SLC8B1: variants seen among roughly 807,000 people sequenced by gnomAD.
SLC8B1 encodes the protein mitochondrial sodium/calcium exchanger protein.
Under a neutral mutation model 63.4 loss-of-function variants are expected in SLC8B1, and 52 were observed. The observed-to-expected ratio is 0.82, with a 90% confidence interval of 0.66 to 1.03. SLC8B1 has a LOEUF of 1.03. Among genes scored for constraint, SLC8B1 ranks in the 50% least tolerant of loss-of-function variants. The pLI, the probability that SLC8B1 is intolerant of heterozygous loss-of-function variation, is 0.00. For missense variants in SLC8B1, 657 were observed against 741.7 expected, an observed-to-expected ratio of 0.89 and a Z score of 1.33; for synonymous variants, 336 against 323.9, an observed-to-expected ratio of 1.04 and a Z score of -0.40.
chr12:113,306,467 A>G lies in SLC8B1; in HGVS notation c.1492+28T>C. 1.9e-6 allele frequency: 3 copies of G among 1,575,260 alleles called. No homozygotes were observed. In the African/African-American group the frequency reaches 4.0e-5, roughly 21 times the overall value. On this transcript the variant is annotated intron_variant, in intron 14 of 15. Coordinates refer to ENST00000680972, the MANE Select transcript of SLC8B1 (RefSeq NM_001358345.2). ...CACCCACGGCTGTGACACCAGTGCT[A>G]AGGCCAAGAACAGACCACAAAGGAT...
At chr12:113,307,136 A>C (rs1023734806) in intron 13 of SLC8B1, among the ~76,000 whole-genome samples, 10 of 147,014 alleles carry the variant, frequency 6.8e-5, no homozygotes, top group African/African-American at 2.3e-4. Flanking sequence ...AAAAAAAAAA[A>C]AAAAAAAAAA....
intron 8 of SLC8B1, among the ~76,000 whole-genome samples, chr12:113,317,637 C>A (rs1956851238): frequency 6.6e-6 from 1 of 152,182 alleles, no homozygotes; most frequent in African/African-American, 2.4e-5. Context: ...GGCCTGGGAC[C>A]TGTATGGAGG....
At position 113,320,132 on chromosome 12, in the gene SLC8B1, C is replaced by T; in HGVS notation, c.694+199G>A. On this transcript the variant is annotated intron_variant, in intron 7 of 15. Transcript: ENST00000680972. The surrounding 1 kb of genome is among the most constrained non-coding windows in gnomAD (Gnocchi z 5.3). ...CTTTTGAATACTCCCTCCCCAGCCC[C>T]CAGCTCTGCCAGGCCTCTTTGGTTA... The T allele has an allele frequency of 3.1e-6, 2 of 637,366 alleles. No individual in the cohort carries two copies. The highest frequency in any genetic ancestry group is 5.3e-6 in the Non-Finnish European group (2 of 377,220). 39.5% of individuals were successfully genotyped at this position (637,366 alleles called of 1,614,324 possible). A position where few individuals can be genotyped will look rare whatever the true frequency, so the allele number is the denominator to read the frequency against.
At chr12:113,318,053 T>C (rs1040891201) in intron 8 of SLC8B1, among the ~76,000 whole-genome samples, 1 of 152,220 alleles carries the variant, frequency 6.6e-6, no homozygotes, top group Non-Finnish European at 1.5e-5. Flanking sequence ...CATGCATCTG[T>C]ATGTGTTGCA....
At position 113,320,973 on chromosome 12, in the gene SLC8B1, C is replaced by CA. The variant is rs541672071; in HGVS notation, c.363-67dup. The CA allele has an allele frequency of 1.5e-4, 237 of 1,590,576 alleles. 2 individuals carry two copies. The African/African-American group carries it at 3.0e-3, about 20-fold the overall frequency. ...CGGCCCCGGACCCCTATCCTTCCCC[C>CA]AAACTGAGGGTGACCGAATGTCAGC... On this transcript the variant is annotated intron_variant, in intron 4 of 15. Transcript: ENST00000680972. This position sits in a 1 kb window ranked among gnomAD's most constrained non-coding sequence, Gnocchi z 5.3.
At chr12:113,325,906 G>A (rs761917754) in intron 2 of SLC8B1, among the ~76,000 whole-genome samples, 1 of 152,184 alleles carries the variant, frequency 6.6e-6, no homozygotes, top group Non-Finnish European at 1.5e-5. Flanking sequence ...CCTGAGCCTG[G>A]CCTGTAGTAG....
chr12:113,312,699 T>G (rs868402886), intron 11 of SLC8B1, among the ~76,000 whole-genome samples: 43 of 152,264 alleles, frequency 2.8e-4, no homozygotes, highest in Middle Eastern at 3.4e-3. Flanking sequence ...CTAGGTGGTG[T>G]TAACGCCATG....
chr12:113,306,678 C>T (rs970920075), intron 13 of SLC8B1, 103 bp from the exon 14 acceptor site: 14 of 930,596 alleles, frequency 1.5e-5, no homozygotes, highest in Admixed American at 8.2e-5. Context: ...GCAACAAACA[C>T]AGATGGATGC....
rs1956913375 is a variant in SLC8B1, at chr12:113,320,675, G to A, written c.432C>T (p.Phe144=). ...CAGGTGCACCATTCCCAAATGCCAG[G>A]AAGGTGACGCCATGTGGGGAGCATG... ...KLSHNVAGVT[F]LAFGNGAPDI... Residue 144 remains phenylalanine, a synonymous_variant, in exon 6 of 16, where the codon TTC becomes TTT. Coordinates refer to ENST00000680972, the MANE Select transcript of SLC8B1 (RefSeq NM_001358345.2). This position sits in a 1 kb window ranked among gnomAD's most constrained non-coding sequence, Gnocchi z 5.3. The A allele has an allele frequency of 1.9e-6, 3 of 1,613,694 alleles. No homozygotes were observed. Among genetic ancestry groups the A allele is most frequent in the African/African-American group, 1.3e-5 (1 of 74,934 alleles).
rs199864456 is a variant in SLC8B1, at chr12:113,320,491, G to A, written c.534C>T (p.Gly178=). The change falls in exon 7 of 16, where the codon GGC becomes GGT. Residue 178 remains glycine, a synonymous_variant. Coordinates refer to ENST00000680972, the MANE Select transcript of SLC8B1 (RefSeq NM_001358345.2). The surrounding 1 kb of genome is among the most constrained non-coding windows in gnomAD (Gnocchi z 5.3). ...CGGCCACCACTGTGGTAACCAGCAC[G>A]CCAGCGCCTGGGGGGAGGAGGCCAG... is the stretch of plus-strand genomic sequence containing the variant. ...GLALGALFGA[G]VLVTTVVAGG... The A allele has an allele frequency of 6.6e-5, 106 of 1,613,950 alleles. No individual in the cohort carries two copies. The highest frequency in any genetic ancestry group is 7.3e-5 in the Non-Finnish European group (86 of 1,180,016).
intron 15 of SLC8B1, among the ~76,000 whole-genome samples, chr12:113,300,900 C>G (rs1956578631): frequency 6.6e-6 from 1 of 152,230 alleles, no homozygotes; most frequent in Non-Finnish European, 1.5e-5. Context: ...CTTTGGGAGG[C>G]CAAAGCGGGC....
At chr12:113,313,161 G>A (rs888651367) in intron 11 of SLC8B1, among the ~76,000 whole-genome samples, 2 of 152,008 alleles carry the variant, frequency 1.3e-5, no homozygotes, top group South Asian at 2.1e-4. Flanking sequence ...CTGCCTCAGC[G>A]TCCCAAAGTG....
At chr12:113,303,598 C>A (rs1216020105) in intron 15 of SLC8B1, among the ~76,000 whole-genome samples, 1 of 152,200 alleles carries the variant, frequency 6.6e-6, no homozygotes, top group African/African-American at 2.4e-5. Flanking sequence ...GGGGTCCAAT[C>A]TGCCTCATAT....
intron 11 of SLC8B1, among the ~76,000 whole-genome samples, chr12:113,314,120 AGAGAATGGATG>A (rs1298119215): frequency 1.3e-5 from 2 of 152,258 alleles, no homozygotes; most frequent in African/African-American, 4.8e-5. Context: ...CCCGCTCCGT[AGAGAATGGATG>A]GAGAATGGAG....
chr12:113,321,336 A>C lies in SLC8B1; in HGVS notation c.169T>G (p.Cys57Gly), dbSNP rs1156710339. 2.5e-6 allele frequency: 4 copies of C among 1,614,016 alleles called. No individual in the cohort carries two copies. In the African/African-American group the frequency reaches 5.3e-5, roughly 22 times the overall value. The change falls in exon 3 of 16, where the codon TGT becomes GGT. Residue 57 changes from cysteine (C) to glycine (G), a missense_variant. Physicochemically the swap from Cys to Gly is radical, Grantham distance 159. Coordinates refer to ENST00000680972, the MANE Select transcript of SLC8B1 (RefSeq NM_001358345.2). ...CAGCGGTCAGAGACATTCAGGCCAC[A>C]CACCTTGCGGCACTGCAGGAAGACA... ...QTPVVDCRKV[C>G]GLNVSDRCDF...
chr12:113,331,374 G>A (rs2136870422), intron 2 of SLC8B1, among the ~76,000 whole-genome samples: 1 of 142,440 alleles, frequency 7.0e-6, no homozygotes, highest in East Asian at 2.1e-4. Context: ...GGTATAGAGT[G>A]AGACTGTTCT....
chr12:113,321,135 A>G, intron 3 of SLC8B1, 27 bp from the exon 4 acceptor site: 2 of 1,613,996 alleles, frequency 1.2e-6, no homozygotes, highest in South Asian at 1.1e-5. Flanking sequence ...CGAGGAAGGG[A>G]GAGTCAAGTC....
intron 15 of SLC8B1, among the ~76,000 whole-genome samples, chr12:113,301,397 C>T (rs919135646): frequency 1.4e-5 from 2 of 138,108 alleles, no homozygotes; most frequent in Non-Finnish European, 3.0e-5. Context: ...AGTGCAATGG[C>T]GTGATCTCAG....
Position 113,299,617 on chromosome 12 carries a change from G to T in SLC8B1, c.*160C>A. ...TGCTGGCAGCAAGAGGTACACAGCA[G>T]TTCTCCCAGCTCACAGCAGTGACCT... On this transcript the variant is annotated 3_prime_UTR_variant, in exon 16 of 16. Coordinates refer to ENST00000680972, the MANE Select transcript of SLC8B1 (RefSeq NM_001358345.2). 2 of 684,536 alleles carry T rather than the reference G, an allele frequency of 2.9e-6. No homozygotes were observed. Among genetic ancestry groups the T allele is most frequent in the Non-Finnish European group, 5.1e-6 (2 of 395,332 alleles). The allele number at this position is 684,536 out of a possible 1,614,324, so 42.4% of individuals were successfully genotyped here.
Sources: allele counts gnomAD v4.1 joint callset (sites outside exome capture counted in the v4.1 genomes callset), GRCh38; gene constraint gnomAD v4.1.1; non-coding constraint Gnocchi (gnomAD v3.1); transcripts MANE v1.5; gene names NCBI Gene and HGNC (gene_info 2026-07-23, HGNC 2026-07-21).